The following OBSL1 variants were observed in gnomAD, a reference collection of about 807,000 sequenced individuals.
OBSL1 encodes the protein obscurin like cytoskeletal adaptor 1, also known as obscurin-like protein 1.
In OBSL1, 160 loss-of-function variants were observed where a neutral mutation model predicts 172.0. The ratio of observed to expected loss-of-function variants is 0.93; its 90% CI spans 0.82 to 1.06. The LOEUF is 1.06. OBSL1 is among the 50% of genes least tolerant of loss of function. The pLI is 0.00. For synonymous variants in OBSL1, 1,200 were observed against 1,196.3 expected (o/e 1.00, Z -0.06); for missense variants, 2,681 against 2,715.4 (o/e 0.99, Z 0.28).
At chr2:219,562,995 G>A (rs1035325969) in intron 7 of OBSL1, 2 of 478,484 alleles carry the variant, frequency 4.2e-6, no homozygotes, top group Non-Finnish European at 7.4e-6. Context: ...GAGGGTTGGG[G>A]GGAGGAGCTG....
Position 219,571,376 on chromosome 2 carries a change from C to T in OBSL1, c.-144G>A. 2 of 434,408 alleles carry T rather than the reference C, an allele frequency of 4.6e-6. No individual in the cohort carries two copies. Among genetic ancestry groups the T allele is most frequent in the Non-Finnish European group, 7.4e-6 (2 of 271,874 alleles). 26.9% of individuals were successfully genotyped at this position (434,408 alleles called of 1,614,324 possible). A position where few individuals can be genotyped will look rare whatever the true frequency, so the allele number is the denominator to read the frequency against. On this transcript the variant is annotated 5_prime_UTR_variant, in exon 1 of 21. Transcript: ENST00000404537. ...GCGGAGCTCTCCCGGGCCTCCCGCT[C>T]CCGGCTCGCCTCCTTACCCTCGGCC...
downstream of OBSL1, chr2:219,550,711 T>C (rs1695554770): frequency 7.5e-7 from 1 of 1,338,484 alleles, no homozygotes; most frequent in Non-Finnish European, 1.0e-6. Flanking sequence ...CCCACATCAC[T>C]CAGAGAGGCA....
chr2:219,557,741 A>G, intron 11 of OBSL1, 82 bp downstream of exon 11: 1 of 1,542,842 alleles, frequency 6.5e-7, no homozygotes, highest in South Asian at 1.2e-5. Flanking sequence ...GGCATGCTGG[A>G]AAAGCAGGAA....
chr2:219,561,371 G>T (rs537449942), intron 8 of OBSL1, among the ~76,000 whole-genome samples: 2 of 152,200 alleles, frequency 1.3e-5, no homozygotes, highest in Admixed American at 6.5e-5. Context: ...CTGAACCTCC[G>T]TCACTTCCAC....
Position 219,554,572 on chromosome 2 carries a change from C to T in OBSL1, c.4778G>A (p.Arg1593His), listed in dbSNP as rs183413469. 436 of 1,613,364 alleles carry T rather than the reference C, an allele frequency of 2.7e-4. 2 individuals carry two copies. Among genetic ancestry groups the T allele is most frequent in the African/African-American group, 2.5e-3 (184 of 75,034 alleles). ...CAGGCCATTGAGTACCAGTCGGTGA[C>T]GGTGGCCGTCCGAGTGGATGTGACA... is the stretch of plus-strand genomic sequence containing the variant. ...PKCHIHSDGH[R>H]HRLVLNGLGL... is the part of the protein sequence containing the mutation. Residue 1593 changes from arginine (R) to histidine (H), a missense_variant, in exon 15 of 21, where the codon CGT becomes CAT. By Grantham distance (29) the Arg-to-His change is conservative (BLOSUM62 0). Around this residue, in one of 5 missense-constraint regions of OBSL1, gnomAD observed 1,765 missense variants for 1,748.3 expected, o/e 1.01. Transcript: ENST00000404537.
chr2:219,561,456 A>G (rs1696460609), intron 8 of OBSL1, among the ~76,000 whole-genome samples: 1 of 152,062 alleles, frequency 6.6e-6, no homozygotes, highest in African/African-American at 2.4e-5. Flanking sequence ...CAGCTTTGAA[A>G]GCACTTCCTG....
At chr2:219,553,776 G>A (rs1438209455) in intron 15 of OBSL1, 90 bp from the exon 16 acceptor site, 11 of 835,714 alleles carry the variant, frequency 1.3e-5, no homozygotes, top group Non-Finnish European at 2.2e-5. Context: ...GGGCACAACA[G>A]GCAGTAGAGG....
At chr2:219,548,966 G>A, downstream of OBSL1, 1 of 629,830 alleles carries the variant, frequency 1.6e-6, no homozygotes, top group Non-Finnish European at 2.8e-6. Context: ...TGGAAGAAAA[G>A]AACAACAGCG....
chr2:219,554,117 C>T lies in OBSL1; in HGVS notation c.4876+357G>A, dbSNP rs527709770. ...AGTGGTCACGGGGCCCACACTTAGG[C>T]GGGCAGAGGGAGCCACGGCAGACAG... On this transcript the variant is annotated intron_variant, in intron 15 of 20. Coordinates refer to ENST00000404537, the MANE Select transcript of OBSL1 (RefSeq NM_015311.3). 58 of 400,054 alleles carry T rather than the reference C, an allele frequency of 1.4e-4. No homozygotes were observed. The South Asian group carries it at 1.8e-3, about 12-fold the overall frequency. The allele number at this position is 400,054 out of a possible 1,614,324, so 24.8% of individuals were successfully genotyped here.
At position 219,550,924 on chromosome 2, in the gene OBSL1, T is replaced by C. The variant is rs1043582; in HGVS notation, c.5684-82A>G. Reference sequence around the variant, plus strand: ...TCCCCTGGCAGAGCCTGGACACCAGTACACAAAGAGCTGGGCCCCCAGGTT... The same window carrying C: ...TCCCCTGGCAGAGCCTGGACACCAGCACACAAAGAGCTGGGCCCCCAGGTT... On this transcript the variant is annotated intron_variant, in intron 20 of 20. Transcript: ENST00000404537. 0.45 allele frequency: 698,859 copies of C among 1,567,400 alleles called. 159,017 individuals are homozygous for C. The highest frequency in any genetic ancestry group is 0.52 in the Admixed American group (27,115 of 52,514).
In OBSL1 at chr2:219,556,123, C is replaced by A. The variant is rs775380054; in HGVS notation, c.4506G>T (p.Gly1502=). The A allele has an allele frequency of 1.2e-6, 2 of 1,613,938 alleles. No homozygotes were observed. Among genetic ancestry groups the A allele is most frequent in the South Asian group, 2.2e-5 (2 of 91,080 alleles). Residue 1502 remains glycine (G), a synonymous_variant, in exon 14 of 21, where the codon GGG becomes GGT. Coordinates refer to ENST00000404537, the MANE Select transcript of OBSL1 (RefSeq NM_015311.3). ...CATGGATGAAGAGGCGGTGGATGTG[C>A]CCATCCTGGGCCATGGACAGGCGAG... ...HDSRLSMAQD[G]HIHRLFIHGV...
downstream of OBSL1, chr2:219,550,705 C>T (rs954757772): frequency 3.1e-6 from 4 of 1,276,342 alleles, no homozygotes; most frequent in African/African-American, 2.9e-5. Flanking sequence ...TGCCCCCCCA[C>T]ATCACTCAGA....
In OBSL1 at chr2:219,552,675, G is replaced by T. The variant is rs1418143217; in HGVS notation, c.5169C>A (p.Ser1723=). Residue 1723 remains serine (S), a synonymous_variant, in exon 18 of 21, where the codon TCC becomes TCA. Coordinates refer to ENST00000404537, the MANE Select transcript of OBSL1 (RefSeq NM_015311.3). ...CGCGGGCGCTCACCGACCGCAGCTC[G>T]GAGAGTACCGCCACAGTACGCTCTG... ...TVRERTVAVL[S]ELRSVSAREG... is the part of the protein sequence containing the mutation. 7 of 1,536,338 alleles carry T rather than the reference G, an allele frequency of 4.6e-6. No individual in the cohort carries two copies. In the South Asian group the frequency reaches 5.9e-5, roughly 13 times the overall value.
rs775045292 is a variant in OBSL1, at chr2:219,568,310, A to C, written c.1027T>G (p.Phe343Val). ...QLHVKEPRLR[F>V]TRPLQDVEGR... is the part of the protein sequence containing the mutation. ...TCCACGTCCTGCAGGGGCCGTGTGA[A>C]CCGGAGGCGGGGCTCTGTGGAGAGG... Residue 343 changes from phenylalanine to valine, a missense_variant, in exon 2 of 21, where the codon TTC becomes GTC. Around this residue, in one of 5 missense-constraint regions of OBSL1, gnomAD observed 706 missense variants for 695.8 expected, o/e 1.01. Transcript: ENST00000404537. This position sits in a 1 kb window ranked among gnomAD's most constrained non-coding sequence, Gnocchi z 4.1. 2 of 1,605,058 alleles carry C rather than the reference A, an allele frequency of 1.2e-6. No individual in the cohort carries two copies. Among genetic ancestry groups the C allele is most frequent in the African/African-American group, 2.7e-5 (2 of 74,950 alleles).
rs1000489044 is a variant in OBSL1, at chr2:219,556,801, G to A, written c.4067-78C>T. The A allele has an allele frequency of 3.0e-5, 42 of 1,422,062 alleles. No homozygotes were observed. In the Admixed American group the frequency reaches 8.3e-4, roughly 28 times the overall value. The allele number at this position is 1,422,062 out of a possible 1,614,324, so 88.1% of individuals were successfully genotyped here. A position where few individuals can be genotyped will look rare whatever the true frequency, so the allele number is the denominator to read the frequency against. On this transcript the variant is annotated intron_variant, in intron 12 of 20. Coordinates refer to ENST00000404537, the MANE Select transcript of OBSL1 (RefSeq NM_015311.3). Reference sequence around the variant, plus strand: ...TTTTCATCCCCTCCTCAGGATGCAGGCCCTCGTCCCCAGTCATTTAACAGA... The same window carrying A: ...TTTTCATCCCCTCCTCAGGATGCAGACCCTCGTCCCCAGTCATTTAACAGA...
In OBSL1 at chr2:219,554,917, G is replaced by A. The variant is rs916528735; in HGVS notation, c.4610-177C>T. 5 of 644,874 alleles carry A rather than the reference G, an allele frequency of 7.8e-6. No homozygotes were observed. In the East Asian group the frequency reaches 1.4e-4, roughly 18 times the overall value. 39.9% of individuals were successfully genotyped at this position (644,874 alleles called of 1,614,324 possible). A position where few individuals can be genotyped will look rare whatever the true frequency, so the allele number is the denominator to read the frequency against. The stretch of plus-strand genomic sequence containing the variant: ...GGAGCACGGTGGACAGATTTGGCGG[G>A]GGGAGGGCTGTATCAGGGTTAGGAG... On this transcript the variant is annotated intron_variant, in intron 14 of 20. Coordinates refer to ENST00000404537, the MANE Select transcript of OBSL1 (RefSeq NM_015311.3).
chr2:219,555,773 TTG>T, intron 14 of OBSL1: 1 of 1,369,390 alleles, frequency 7.3e-7, no homozygotes, highest in South Asian at 2.0e-5. Flanking sequence ...TGGAGAATAT[TTG>T]TGTTTATAGC....
In OBSL1 at chr2:219,563,263, G is replaced by C. The variant is rs548934183; in HGVS notation, c.2680+92C>G. On this transcript the variant is annotated intron_variant, in intron 7 of 20. Transcript: ENST00000404537. ...CCAGGGGGAGGGCAGTAGGGGCGGG[G>C]AACAGTGGCCTGGGAGTGAAGGTGT... 26 of 1,338,242 alleles carry C rather than the reference G, an allele frequency of 1.9e-5. No individual in the cohort carries two copies. In the Admixed American group the frequency reaches 5.5e-4, roughly 28 times the overall value. The allele number at this position is 1,338,242 out of a possible 1,614,324, so 82.9% of individuals were successfully genotyped here. A position where few individuals can be genotyped will look rare whatever the true frequency, so the allele number is the denominator to read the frequency against.
rs1261206288 is a variant in OBSL1, at chr2:219,552,968, G to A, written c.5046C>T (p.Arg1682=). The change falls in exon 17 of 21, where the codon CGC becomes CGT. Residue 1682 remains arginine (R), a synonymous_variant. Coordinates refer to ENST00000404537, the MANE Select transcript of OBSL1 (RefSeq NM_015311.3). The part of the protein sequence containing the change: ...PRLRLQALGT[R]RLLQLRRCGP... ...CGCAGCGTCGCAGCTGGAGAAGGCG[G>A]CGCGTGCCGAGGGCCTGGAGCCGGA... 6 of 1,532,218 alleles carry A rather than the reference G, an allele frequency of 3.9e-6. No homozygotes were observed. Among genetic ancestry groups the A allele is most frequent in the Non-Finnish European group, 3.5e-6 (4 of 1,143,478 alleles). The allele number at this position is 1,532,218 out of a possible 1,614,324, so 94.9% of individuals were successfully genotyped here. A position where few individuals can be genotyped will look rare whatever the true frequency, so the allele number is the denominator to read the frequency against.
Sources: allele counts gnomAD v4.1 joint callset (sites outside exome capture counted in the v4.1 genomes callset), GRCh38; gene constraint gnomAD v4.1.1; regional missense constraint gnomAD v4.1.1; non-coding constraint Gnocchi (gnomAD v3.1); transcripts MANE v1.5; gene names NCBI Gene and HGNC (gene_info 2026-07-23, HGNC 2026-07-21).